The following ZFHX3 variants were observed in gnomAD, a reference collection of about 807,000 sequenced individuals.
The protein encoded by ZFHX3 is zinc finger homeobox 3.
ZFHX3 carries 42 observed loss-of-function variants against 279.1 expected under a neutral mutation model. That is an observed-to-expected ratio of 0.15 (90% CI 0.12 to 0.19). The LOEUF is 0.19. Ranked by LOEUF, ZFHX3 falls within the 10% of genes least tolerant of loss-of-function variation. The pLI is 1.00. For missense variants in ZFHX3, 4,981 were observed against 4,754.0 expected, an observed-to-expected ratio of 1.05 and a Z score of -1.40; for synonymous variants, 2,293 against 1,957.8, an observed-to-expected ratio of 1.17 and a Z score of -4.52.
chr16:73,151,443 A>C (rs1966939381), intron 5 of ZFHX3, among the ~76,000 whole-genome samples: 1 of 152,140 alleles, frequency 6.6e-6, no homozygotes, highest in Non-Finnish European at 1.5e-5. Context: ...AGGGGGAACC[A>C]GTCAGAGGCA....
intron 3 of ZFHX3, among the ~76,000 whole-genome samples, chr16:73,421,887 A>T (rs969166487): frequency 4.4e-4 from 67 of 152,166 alleles, no homozygotes; most frequent in African/African-American, 1.6e-3. Context: ...ATAAAGCCCT[A>T]GATTGCATAG....
chr16:72,921,512 C>A (rs1022972871), intron 3 of ZFHX3, among the ~76,000 whole-genome samples: 2 of 152,204 alleles, frequency 1.3e-5, no homozygotes, highest in African/African-American at 4.8e-5. Flanking sequence ...AAGAAAGACT[C>A]CAGAAAACAA....
At chr16:73,172,200 A>C (rs1469578646) in intron 5 of ZFHX3, among the ~76,000 whole-genome samples, 1 of 152,206 alleles carries the variant, frequency 6.6e-6, no homozygotes, top group African/African-American at 2.4e-5. Flanking sequence ...CCCGAGCCCA[A>C]GCCTCCAACA....
At chr16:73,845,700 A>T (rs1282077693) in intron 1 of ZFHX3, among the ~76,000 whole-genome samples, 2 of 152,108 alleles carry the variant, frequency 1.3e-5, no homozygotes, top group African/African-American at 4.8e-5. Flanking sequence ...ATGGATCAAA[A>T]CCTTCCAGCA....
intron 3 of ZFHX3, among the ~76,000 whole-genome samples, chr16:73,365,044 A>T (rs2016506874): frequency 1.4e-5 from 2 of 144,316 alleles, no homozygotes; most frequent in Non-Finnish European, 3.0e-5. Context: ...CTCTCCCCCC[A>T]CCCAGGCATG....
At chr16:72,839,835 C>G (rs547473803) in intron 4 of ZFHX3, among the ~76,000 whole-genome samples, 2 of 152,224 alleles carry the variant, frequency 1.3e-5, no homozygotes, top group African/African-American at 4.8e-5. Flanking sequence ...TGTCCCCTTC[C>G]TCTGTAGGAA....
chr16:73,878,987 A>G (rs1458305962), intron 1 of ZFHX3, among the ~76,000 whole-genome samples: 3 of 149,650 alleles, frequency 2.0e-5, no homozygotes, highest in Admixed American at 6.7e-5. Flanking sequence ...ATCAGTTCCT[A>G]TTATAGATCA....
At chr16:73,847,126 A>AC (rs1425797243) in intron 1 of ZFHX3, among the ~76,000 whole-genome samples, 1 of 151,998 alleles carries the variant, frequency 6.6e-6, no homozygotes, top group Non-Finnish European at 1.5e-5. Flanking sequence ...ACATGGTGAA[A>AC]CCCCATCTCT....
intron 5 of ZFHX3, among the ~76,000 whole-genome samples, chr16:72,812,469 C>T (rs1215891831): frequency 1.3e-5 from 2 of 152,178 alleles, no homozygotes; most frequent in East Asian, 3.9e-4. Flanking sequence ...AAGAGATGTG[C>T]TCTCAACTTT....
intron 3 of ZFHX3, among the ~76,000 whole-genome samples, chr16:73,343,380 G>A (rs919643714): frequency 2.6e-5 from 4 of 152,174 alleles, no homozygotes; most frequent in African/African-American, 4.8e-5. Flanking sequence ...GCTCAGGTAA[G>A]TTATAGCTGA....
chr16:73,821,395 A>C (rs1960736757), intron 1 of ZFHX3, among the ~76,000 whole-genome samples: 1 of 152,230 alleles, frequency 6.6e-6, no homozygotes. Flanking sequence ...AGAAAACCCC[A>C]GTCTTTCAAA....
At chr16:73,249,058 C>T (rs1000136678) in intron 5 of ZFHX3, among the ~76,000 whole-genome samples, 2 of 152,170 alleles carry the variant, frequency 1.3e-5, no homozygotes, top group Admixed American at 1.3e-4. Flanking sequence ...AGTGGTCACA[C>T]TGACCTCAAT....
chr16:73,728,034 T>C (rs2053536736), intron 1 of ZFHX3, among the ~76,000 whole-genome samples: 1 of 19,876 alleles, frequency 5.0e-5, no homozygotes, highest in African/African-American at 1.2e-4. Flanking sequence ...CCGCCCCCAA[T>C]AATTCATATG....
intron 2 of ZFHX3, among the ~76,000 whole-genome samples, chr16:73,503,625 G>A (rs1401367979): frequency 3.3e-5 from 5 of 152,180 alleles, no homozygotes; most frequent in Non-Finnish European, 7.3e-5. Context: ...CTGGAGGCAT[G>A]ATTTCCTGAA....
chr16:73,762,634 T>C (rs1428702216), intron 1 of ZFHX3, among the ~76,000 whole-genome samples: 1 of 152,212 alleles, frequency 6.6e-6, no homozygotes, highest in Non-Finnish European at 1.5e-5. Context: ...TACCATGGAA[T>C]ACTATGCAGC....
rs530934787 is a variant in ZFHX3, at chr16:73,830,161, C to T, written c.-1608+61490G>A. On this transcript the variant is annotated intron_variant, in intron 1 of 17. Transcript: ENST00000641206. Reference sequence around the variant, plus strand: ...GCGCAATATTCGGGTGGGAGTGACCCGATTTTCCAGGTGCGTCCGTCACCC... The same window carrying T: ...GCGCAATATTCGGGTGGGAGTGACCTGATTTTCCAGGTGCGTCCGTCACCC... 3.1e-5 allele frequency among the ~76,000 whole-genome samples: 4 copies of T among 131,036 alleles called. No individual in the cohort carries two copies. The South Asian group carries it at 9.0e-4, about 29-fold the overall frequency. The allele number at this position is 131,036 out of a possible 152,430, so 86.0% of individuals were successfully genotyped here.
chr16:73,358,097 T>C (rs554013759), intron 3 of ZFHX3, among the ~76,000 whole-genome samples: 14 of 152,246 alleles, frequency 9.2e-5, no homozygotes, highest in African/African-American at 3.1e-4. Context: ...GGCTAACTCT[T>C]CTGTATCTGT....
At chr16:73,793,031 G>A (rs1959881015) in intron 1 of ZFHX3, among the ~76,000 whole-genome samples, 1 of 152,148 alleles carries the variant, frequency 6.6e-6, no homozygotes, top group East Asian at 1.9e-4. Flanking sequence ...TGGGAGACGG[G>A]GAGAGAAGGG....
chr16:72,942,080 G>A (rs1960436712), intron 3 of ZFHX3, among the ~76,000 whole-genome samples: 1 of 152,124 alleles, frequency 6.6e-6, no homozygotes, highest in African/African-American at 2.4e-5. Flanking sequence ...TCCTGACAAT[G>A]CCTAATTGTT....
Sources: gnomAD v4.1 joint callset for allele counts (sites outside exome capture counted in the v4.1 genomes callset) on GRCh38, gnomAD v4.1.1 for gene constraint, MANE v1.5 for transcripts, NCBI Gene and HGNC (gene_info 2026-07-23, HGNC 2026-07-21) for gene names.